UGT3A1: variants seen among roughly 807,000 people sequenced by gnomAD.
The protein encoded by UGT3A1 is UDP glycosyltransferase family 3 member A1.
In UGT3A1, 40 loss-of-function variants were observed where a neutral mutation model predicts 37.6. That is an observed-to-expected ratio of 1.06 (90% CI 0.83 to 1.38). The LOEUF (loss-of-function observed/expected upper bound fraction) is 1.38, where lower values mean the gene tolerates loss of function less well. Among genes scored for constraint, UGT3A1 ranks in the 40% most tolerant of loss-of-function variants. UGT3A1 has a pLI of 0.00. For missense variants in UGT3A1, 642 were observed against 634.2 expected, an observed-to-expected ratio of 1.01 and a Z score of -0.13; for synonymous variants, 256 against 232.3, an observed-to-expected ratio of 1.10 and a Z score of -0.93.
At chr5:35,974,728 C>T (rs541973257) in intron 2 of UGT3A1, among the ~76,000 whole-genome samples, 14 of 152,212 alleles carry the variant, frequency 9.2e-5, no homozygotes, top group Admixed American at 3.9e-4. Flanking sequence ...GCAAATTTTT[C>T]TTGACACCCG....
At chr5:35,982,573 T>C (rs114261580) in intron 2 of UGT3A1, among the ~76,000 whole-genome samples, 1,715 of 152,356 alleles carry the variant, frequency 0.011, 36 homozygotes, top group African/African-American at 0.039. Flanking sequence ...TCTCATGGTA[T>C]CTTGGAAGTA....
In UGT3A1 at chr5:35,952,654, T is replaced by G. The variant is rs1051033766; in HGVS notation, c.*1548A>C. The G allele has an allele frequency of 2.0e-5, 3 of 152,194 alleles. No homozygotes were observed. The highest frequency in any genetic ancestry group is 6.5e-5 in the Admixed American group (1 of 15,284). The allele number at this position is 152,194 out of a possible 1,614,324, so 9.4% of individuals were successfully genotyped here. ...ATGAGGGGAATGAAATCATGGCTGT[T>G]GATTCAACAGAAAACACAGGGAAGC... On this transcript the variant is annotated 3_prime_UTR_variant, in exon 7 of 7. Coordinates refer to ENST00000274278, the MANE Select transcript of UGT3A1 (RefSeq NM_152404.4).
intron 2 of UGT3A1, 70 bp downstream of exon 2, chr5:35,988,380 G>A: frequency 8.6e-7 from 1 of 1,156,666 alleles, no homozygotes; most frequent in Non-Finnish European, 1.2e-6. Flanking sequence ...CTATGCAGCT[G>A]TATAAAAAAT....
intron 2 of UGT3A1, among the ~76,000 whole-genome samples, chr5:35,969,422 A>G (rs1739945975): frequency 6.6e-6 from 1 of 152,160 alleles, no homozygotes; most frequent in African/African-American, 2.4e-5. Context: ...GCTGATACTC[A>G]TTGGAACTCT....
intron 2 of UGT3A1, among the ~76,000 whole-genome samples, chr5:35,987,746 T>C (rs573070249): frequency 6.6e-6 from 1 of 152,296 alleles, no homozygotes. Context: ...AACCCTCAGA[T>C]TGAGAAACCC....
chr5:35,990,398 T>A (rs908903001), intron 1 of UGT3A1, among the ~76,000 whole-genome samples: 2 of 152,118 alleles, frequency 1.3e-5, no homozygotes, highest in Non-Finnish European at 1.5e-5. Context: ...GGAAGATCGA[T>A]CCTGGGATCG....
At chr5:35,978,172 T>A (rs1740371110) in intron 2 of UGT3A1, among the ~76,000 whole-genome samples, 1 of 152,142 alleles carries the variant, frequency 6.6e-6, no homozygotes, top group Non-Finnish European at 1.5e-5. Context: ...GTAGCTGGGA[T>A]TACAGGTGCA....
chr5:35,992,505 C>T (rs1740981924), upstream of UGT3A1, among the ~76,000 whole-genome samples: 1 of 152,202 alleles, frequency 6.6e-6, no homozygotes, highest in Non-Finnish European at 1.5e-5. Flanking sequence ...AAATAAAGGA[C>T]TTGCTATCAA....
At chr5:35,955,484 A>T in intron 6 of UGT3A1, 161 bp downstream of exon 6, 1 of 820,856 alleles carries the variant, frequency 1.2e-6, no homozygotes, top group Non-Finnish European at 1.9e-6. Flanking sequence ...TAGTCTTCCT[A>T]GAGACTTACC....
At chr5:35,999,236 C>CA (rs34007699) in intron 1 of UGT3A1, among the ~76,000 whole-genome samples, 4,878 of 102,978 alleles carry the variant, frequency 0.047, 179 homozygotes, top group Admixed American at 0.081. Context: ...GACTCCATCT[C>CA]AAAAAAAAAA....
Position 35,963,022 on chromosome 5 carries a change from G to A in UGT3A1, c.843+2364C>T. The A allele has an allele frequency of 8.7e-6, 6 of 686,848 alleles. No homozygotes were observed. The South Asian group carries it at 9.3e-5, about 11-fold the overall frequency. 42.5% of individuals were successfully genotyped at this position (686,848 alleles called of 1,614,324 possible). A position where few individuals can be genotyped will look rare whatever the true frequency, so the allele number is the denominator to read the frequency against. On this transcript the variant is annotated intron_variant, in intron 4 of 6. Transcript: ENST00000274278. ...TTCAATGAAAACTCAGGGTGTGAGG[G>A]AGAGAGAAAGCAAGGGACTTTCTCT...
intron 4 of UGT3A1, chr5:35,961,972 C>T (rs2149955727): frequency 6.6e-6 from 1 of 152,270 alleles, no homozygotes; most frequent in South Asian, 2.1e-4. Context: ...CCTACGTAAT[C>T]CCTCCATGAT....
At chr5:35,996,238 C>G (rs1361582723), upstream of UGT3A1, among the ~76,000 whole-genome samples, 1 of 152,128 alleles carries the variant, frequency 6.6e-6, no homozygotes, top group Non-Finnish European at 1.5e-5. Context: ...GAATGCAACT[C>G]AGGAAGACTA....
upstream of UGT3A1, among the ~76,000 whole-genome samples, chr5:35,992,237 C>T (rs1231392783): frequency 1.3e-5 from 2 of 152,082 alleles, no homozygotes; most frequent in African/African-American, 4.8e-5. Context: ...GAATTTAAAG[C>T]ATTACATTTT....
At chr5:35,954,921 C>T (rs1296697551) in intron 6 of UGT3A1, 1 of 163,460 alleles carries the variant, frequency 6.1e-6, no homozygotes, top group Non-Finnish European at 1.3e-5. Context: ...GTCACTATGC[C>T]GCTTTTATTT....
intron 4 of UGT3A1, among the ~76,000 whole-genome samples, chr5:35,963,432 G>C (rs1739670622): frequency 6.6e-6 from 1 of 152,086 alleles, no homozygotes; most frequent in African/African-American, 2.4e-5. Context: ...GTCTCAAATG[G>C]GCCCTGCCGA....
chr5:35,968,757 C>A (rs920086103), intron 2 of UGT3A1, among the ~76,000 whole-genome samples: 2 of 152,090 alleles, frequency 1.3e-5, no homozygotes, highest in Admixed American at 1.3e-4. Context: ...ACTTTCTATG[C>A]CTCATCTGGT....
At chr5:35,963,596 A>G (rs1739676439) in intron 4 of UGT3A1, among the ~76,000 whole-genome samples, 1 of 152,242 alleles carries the variant, frequency 6.6e-6, no homozygotes, top group East Asian at 1.9e-4. Flanking sequence ...TCCTGGGGAA[A>G]GAACCTCTTG....
At chr5:35,988,582 G>T (rs1235814784) in intron 1 of UGT3A1, 31 bp from the exon 2 acceptor site, 20 of 1,531,604 alleles carry the variant, frequency 1.3e-5, no homozygotes, top group Non-Finnish European at 1.8e-5. Context: ...CTTTTGTAAA[G>T]ATGAAAATAG....
Sources: gnomAD v4.1 joint callset for allele counts (sites outside exome capture counted in the v4.1 genomes callset) on GRCh38, gnomAD v4.1.1 for gene constraint, MANE v1.5 for transcripts, NCBI Gene and HGNC (gene_info 2026-07-23, HGNC 2026-07-21) for gene names.